The following RAPGEF1 variants were observed in gnomAD, a reference collection of about 807,000 sequenced individuals.
The protein encoded by RAPGEF1 is Rap guanine nucleotide exchange factor 1.
RAPGEF1 carries 33 observed loss-of-function variants against 143.3 expected under a neutral mutation model. The observed-to-expected ratio is 0.23, with a 90% confidence interval of 0.17 to 0.31. The LOEUF is 0.31. Ranked by LOEUF, RAPGEF1 falls within the 10% of genes least tolerant of loss-of-function variation. RAPGEF1 has a pLI of 1.00. For missense variants in RAPGEF1, 1,199 were observed against 1,645.4 expected (o/e 0.73, Z 4.69); for synonymous variants, 629 against 676.5 (o/e 0.93, Z 1.09).
intron 1 of RAPGEF1, 76 bp downstream of exon 1, chr9:131,739,694 C>T (rs1226085186): frequency 4.0e-6 from 4 of 1,001,152 alleles, no homozygotes; most frequent in Admixed American, 1.2e-4. Flanking sequence ...CCGGGCGACC[C>T]GCGCTCGGCC....
In RAPGEF1 at chr9:131,655,294, C is replaced by G. The variant is rs1972150693; in HGVS notation, c.62-4345G>C. Among the ~76,000 whole-genome samples the G allele has an allele frequency of 6.6e-6, 1 of 152,246 alleles. No homozygotes were observed. On this transcript the variant is annotated intron_variant, in intron 1 of 26. Transcript: ENST00000683357. This position sits in a 1 kb window ranked among gnomAD's most constrained non-coding sequence, Gnocchi z 4.1. ...CTTCACAGCTGTGTGATGGCCAGAG[C>G]TGCAGAAAGCCCTTCTTAGTCCCCA... is the stretch of plus-strand genomic sequence containing the variant.
chr9:131,710,184 C>G (rs893733043), intron 1 of RAPGEF1, among the ~76,000 whole-genome samples: 3 of 152,134 alleles, frequency 2.0e-5, no homozygotes. Context: ...CAGAGTCCCA[C>G]GCTCAGACCA....
intron 1 of RAPGEF1, chr9:131,737,412 C>T (rs1189168638): frequency 4.3e-6 from 7 of 1,613,716 alleles, no homozygotes; most frequent in Non-Finnish European, 5.9e-6. Context: ...CACCTGTGTC[C>T]ATGGCAGCAC....
In RAPGEF1 at chr9:131,598,695, C is replaced by T. The variant is rs1017962945; in HGVS notation, c.2502-385G>A. Among the ~76,000 whole-genome samples, 5 of 152,316 alleles carry T rather than the reference C, an allele frequency of 3.3e-5. No homozygotes were observed. In the East Asian group the frequency reaches 9.6e-4, roughly 29 times the overall value. On this transcript the variant is annotated intron_variant, in intron 15 of 26. Coordinates refer to ENST00000683357, the MANE Select transcript of RAPGEF1 (RefSeq NM_001377935.1). ...AGCTGCATTGCTCTTGAGGCTGCTC[C>T]CCAAGTCTTCTCCAAGGACCGACTT...
intron 1 of RAPGEF1, among the ~76,000 whole-genome samples, chr9:131,681,418 T>C (rs1340932557): frequency 6.6e-6 from 1 of 152,182 alleles, no homozygotes. Flanking sequence ...AACAGGGAAA[T>C]ATTATAGCTA....
intron 14 of RAPGEF1, among the ~76,000 whole-genome samples, chr9:131,603,290 T>TG (rs1270908180): frequency 2.0e-5 from 3 of 152,096 alleles, no homozygotes; most frequent in African/African-American, 4.8e-5. Context: ...CCTGGGCTCA[T>TG]GGGGGGAGCA....
intron 5 of RAPGEF1, among the ~76,000 whole-genome samples, chr9:131,638,389 C>T (rs929646718): frequency 1.3e-5 from 2 of 152,214 alleles, no homozygotes; most frequent in Non-Finnish European, 2.9e-5. Flanking sequence ...CACGATGCTA[C>T]GAAGACTCAC....
intron 1 of RAPGEF1, among the ~76,000 whole-genome samples, chr9:131,714,473 A>G (rs887834222): frequency 1.3e-5 from 2 of 152,080 alleles, no homozygotes; most frequent in Admixed American, 1.3e-4. Context: ...AGCTTTGTGT[A>G]TGGAATTTGT....
At chr9:131,680,908 G>C (rs1033857921) in intron 1 of RAPGEF1, among the ~76,000 whole-genome samples, 2 of 152,118 alleles carry the variant, frequency 1.3e-5, no homozygotes, top group East Asian at 1.9e-4. Context: ...GTGGGGGCTC[G>C]AATCCAGGTG....
intron 12 of RAPGEF1, among the ~76,000 whole-genome samples, chr9:131,606,672 AG>A (rs1332808153): frequency 6.6e-6 from 1 of 152,160 alleles, no homozygotes; most frequent in Non-Finnish European, 1.5e-5. Flanking sequence ...CTTTTGAGAC[AG>A]GGTCTCACTC....
chr9:131,582,188 C>T (rs1951961905), intron 25 of RAPGEF1, among the ~76,000 whole-genome samples: 1 of 152,112 alleles, frequency 6.6e-6, no homozygotes, highest in Non-Finnish European at 1.5e-5. Flanking sequence ...GGCCGTGCAT[C>T]CTCAGGTTGT....
At chr9:131,637,839 G>A (rs1966782258) in intron 5 of RAPGEF1, among the ~76,000 whole-genome samples, 1 of 152,220 alleles carries the variant, frequency 6.6e-6, no homozygotes, top group Non-Finnish European at 1.5e-5. Context: ...GTGCAGAGCA[G>A]TTGAGTAAAC....
At chr9:131,658,059 T>C (rs1241996492) in intron 1 of RAPGEF1, among the ~76,000 whole-genome samples, 4 of 152,218 alleles carry the variant, frequency 2.6e-5, no homozygotes, top group Non-Finnish European at 5.9e-5. Flanking sequence ...CAGTGGACAC[T>C]GGGTCGCTTC....
chr9:131,595,230 C>T (rs1291530135), intron 17 of RAPGEF1, among the ~76,000 whole-genome samples: 3 of 152,240 alleles, frequency 2.0e-5, no homozygotes, highest in African/African-American at 4.8e-5. Context: ...CAGGTCTGGG[C>T]CCTGCCCTGG....
intron 1 of RAPGEF1, among the ~76,000 whole-genome samples, chr9:131,717,066 G>C (rs983142702): frequency 6.6e-6 from 1 of 152,208 alleles, no homozygotes; most frequent in Non-Finnish European, 1.5e-5. Flanking sequence ...GGGTCCCACA[G>C]CCTCTGCTTC....
At chr9:131,716,207 G>A (rs1835851013) in intron 1 of RAPGEF1, among the ~76,000 whole-genome samples, 1 of 152,184 alleles carries the variant, frequency 6.6e-6, no homozygotes, top group Admixed American at 6.5e-5. Flanking sequence ...GCAAAACACA[G>A]GGGCTCAGAA....
intron 1 of RAPGEF1, among the ~76,000 whole-genome samples, chr9:131,717,005 G>A (rs973114498): frequency 2.0e-5 from 3 of 152,136 alleles, no homozygotes; most frequent in African/African-American, 7.2e-5. Flanking sequence ...AAACCTCACA[G>A]CCAACATCCA....
chr9:131,604,535 G>A (rs1406762928), intron 13 of RAPGEF1, among the ~76,000 whole-genome samples: 1 of 152,212 alleles, frequency 6.6e-6, no homozygotes, highest in Non-Finnish European at 1.5e-5. Context: ...TCCTGAATCT[G>A]TCACCTCCAC....
At chr9:131,654,827 CCAA>C (rs1259376932) in intron 1 of RAPGEF1, among the ~76,000 whole-genome samples, 1 of 152,132 alleles carries the variant, frequency 6.6e-6, no homozygotes, top group East Asian at 1.9e-4. Context: ...AAGAAACCAA[CCAA>C]CAACAAAAAT....
Sources: gnomAD v4.1 joint callset for allele counts (sites outside exome capture counted in the v4.1 genomes callset) on GRCh38, gnomAD v4.1.1 for gene constraint, Gnocchi (gnomAD v3.1) non-coding constraint, MANE v1.5 for transcripts, NCBI Gene and HGNC (gene_info 2026-07-23, HGNC 2026-07-21) for gene names.